CAMSAP1: variants seen among roughly 807,000 people sequenced by gnomAD.
CAMSAP1 encodes the protein calmodulin regulated spectrin associated protein 1, also known as calmodulin-regulated spectrin-associated protein 1.
A neutral mutation model predicts 143.5 loss-of-function variants in CAMSAP1; 58 were observed. That is an observed-to-expected ratio of 0.40 (90% CI 0.33 to 0.50). The LOEUF is 0.50. CAMSAP1 is among the 20% of genes least tolerant of loss of function. The pLI, the probability that CAMSAP1 is intolerant of heterozygous loss-of-function variation, is 0.45. For synonymous variants in CAMSAP1, 945 were observed against 859.3 expected, an observed-to-expected ratio of 1.10 and a Z score of -1.74; for missense variants, 1,969 against 2,115.7, an observed-to-expected ratio of 0.93 and a Z score of 1.36.
intron 7 of CAMSAP1, among the ~76,000 whole-genome samples, chr9:135,840,990 C>T (rs368988276): frequency 5.3e-5 from 8 of 152,054 alleles, no homozygotes; most frequent in African/African-American, 1.9e-4. Flanking sequence ...GGAACGCCAG[C>T]GAGGCAGAAC....
At chr9:135,831,014 T>C (rs1414725649) in intron 7 of CAMSAP1, among the ~76,000 whole-genome samples, 2 of 151,610 alleles carry the variant, frequency 1.3e-5, no homozygotes, top group Admixed American at 6.6e-5. Flanking sequence ...CTACTAAAAA[T>C]ACGAAAAATT....
At chr9:135,865,938 A>G (rs1837363498) in intron 4 of CAMSAP1, among the ~76,000 whole-genome samples, 1 of 152,232 alleles carries the variant, frequency 6.6e-6, no homozygotes, top group South Asian at 2.1e-4. Flanking sequence ...ATGTGCTTGC[A>G]AAAGAGAAAA....
At chr9:135,854,108 A>C (rs913231511) in intron 5 of CAMSAP1, among the ~76,000 whole-genome samples, 5 of 152,234 alleles carry the variant, frequency 3.3e-5, no homozygotes, top group Non-Finnish European at 5.9e-5. Context: ...GACACTTGAC[A>C]TAACACAGGA....
chr9:135,879,519 C>T (rs987677348), intron 3 of CAMSAP1, among the ~76,000 whole-genome samples: 1 of 152,092 alleles, frequency 6.6e-6, no homozygotes, highest in Non-Finnish European at 1.5e-5. Context: ...TTTTCTATGT[C>T]TTTACCATAG....
At chr9:135,829,488 G>A (rs1446340533) in intron 7 of CAMSAP1, among the ~76,000 whole-genome samples, 1 of 152,034 alleles carries the variant, frequency 6.6e-6, no homozygotes, top group African/African-American at 2.4e-5. Context: ...CTGCACTTCA[G>A]TCCAGCCTGG....
In CAMSAP1 at chr9:135,818,539, C is replaced by T; in HGVS notation, c.4037G>A (p.Arg1346Gln). ...CTCTAGGATCTGCTGCTGCTTCCTC[C>T]GCAGGTACTCCTGCTTGATGAGCTC... Reference protein sequence around the residue: ...RRELIKQEYLRRKQQQILEEQ... With the variant: ...RRELIKQEYLQRKQQQILEEQ... The change falls in exon 13 of 17, where the codon CGG (arginine) becomes CAG (glutamine). Residue 1346 changes from arginine to glutamine, a missense_variant. This residue lies in a region of CAMSAP1 where 1,390 missense variants were observed against 1,420.8 expected (regional missense o/e 0.98). Transcript: ENST00000389532. The surrounding 1 kb of genome is among the most constrained non-coding windows in gnomAD (Gnocchi z 7.7). 2 of 1,612,972 alleles carry T rather than the reference C, an allele frequency of 1.2e-6. No individual in the cohort carries two copies. The highest frequency in any genetic ancestry group is 1.7e-6 in the Non-Finnish European group (2 of 1,179,834).
At chr9:135,875,719 ACTG>A (rs1837721421) in intron 3 of CAMSAP1, among the ~76,000 whole-genome samples, 1 of 152,322 alleles carries the variant, frequency 6.6e-6, no homozygotes, top group South Asian at 2.1e-4. Flanking sequence ...TGGTTTCAGA[ACTG>A]CTATCTATAT....
chr9:135,876,010 C>T (rs1013678158), intron 3 of CAMSAP1, among the ~76,000 whole-genome samples: 1 of 152,218 alleles, frequency 6.6e-6, no homozygotes, highest in Non-Finnish European at 1.5e-5. Context: ...GACTAGAGTG[C>T]AGTGGCATGA....
chr9:135,845,520 AATCAGGCAAGAGAAAGAAATAAAG>A (rs1836520105), intron 7 of CAMSAP1, among the ~76,000 whole-genome samples: 1 of 152,236 alleles, frequency 6.6e-6, no homozygotes, highest in Non-Finnish European at 1.5e-5. Context: ...TGGCCAGGGC[AATCAGGCAAGAGAAAGAAATAAAG>A]AGTATTCAAA....
At chr9:135,872,102 A>C (rs1455187978) in intron 3 of CAMSAP1, among the ~76,000 whole-genome samples, 1 of 148,870 alleles carries the variant, frequency 6.7e-6, no homozygotes, top group East Asian at 2.0e-4. Flanking sequence ...CTCCCATCTC[A>C]AAAAAAAAAC....
rs555998404 is a variant in CAMSAP1 at position 135,872,016 on chromosome 9, C to T, written c.586-5480G>A. On this transcript the variant is annotated intron_variant, in intron 3 of 16. Transcript: ENST00000389532. ...ACTCGGGAGGCTGGCAGGAGAATCACCTGAACCCAGGAGAGGGAGGCTGCA... is the reference window on the plus strand; with the variant it reads ...ACTCGGGAGGCTGGCAGGAGAATCATCTGAACCCAGGAGAGGGAGGCTGCA... 1.1e-4 allele frequency among the ~76,000 whole-genome samples: 16 copies of T among 152,048 alleles called. No homozygotes were observed. The South Asian group carries it at 2.5e-3, about 24-fold the overall frequency.
At chr9:135,850,581 G>A in intron 5 of CAMSAP1, 120 bp from the exon 6 acceptor site, 1 of 748,082 alleles carries the variant, frequency 1.3e-6, no homozygotes, top group East Asian at 2.8e-5. Flanking sequence ...ATGACATTGA[G>A]AGATGTAGGG....
Position 135,866,513 on chromosome 9 carries a change from T to C in CAMSAP1, c.609A>G (p.Ile203Met). The change falls in exon 4 of 17, where the codon ATA (isoleucine) becomes ATG (methionine). Residue 203 changes from isoleucine (I) to methionine (M), a missense_variant. Transcript: ENST00000389532. Reference protein sequence around the residue: ...INKVNLKMREITEKEVKLKQQ... With the variant: ...INKVNLKMREMTEKEVKLKQQ... ...GTTTTAATTTAACTTCTTTCTCTGT[T>C]ATCTCTCTCATTTTAAGATTTACCT... 1 of 1,462,286 alleles carries C rather than the reference T, an allele frequency of 6.8e-7. No homozygotes were observed. Among genetic ancestry groups the C allele is most frequent in the Admixed American group, 2.0e-5 (1 of 50,846 alleles). The allele number at this position is 1,462,286 out of a possible 1,614,324, so 90.6% of individuals were successfully genotyped here.
chr9:135,883,165 C>T (rs1475285605), intron 1 of CAMSAP1, 87 bp from the exon 2 acceptor site: 2 of 1,419,562 alleles, frequency 1.4e-6, no homozygotes, highest in African/African-American at 2.8e-5. Context: ...ATGACTGTGC[C>T]ACTGTACTCC....
Position 135,824,641 on chromosome 9 carries a change from G to T in CAMSAP1, c.1315+148C>A. The T allele has an allele frequency of 4.7e-6, 3 of 631,666 alleles. No homozygotes were observed. The highest frequency in any genetic ancestry group is 7.8e-6 in the Non-Finnish European group (3 of 382,672). The allele number at this position is 631,666 out of a possible 1,614,324, so 39.1% of individuals were successfully genotyped here. ...GATCGCGCCACAGCACTTCAGCCTG[G>T]TGACAGAGCAAGACTCCATCTCAAA... On this transcript the variant is annotated intron_variant, in intron 9 of 16. Coordinates refer to ENST00000389532, the MANE Select transcript of CAMSAP1 (RefSeq NM_015447.4). The surrounding 1 kb of genome is among the most constrained non-coding windows in gnomAD (Gnocchi z 4.1).
chr9:135,855,515 G>A (rs959248929), intron 5 of CAMSAP1, among the ~76,000 whole-genome samples: 12 of 152,082 alleles, frequency 7.9e-5, no homozygotes, highest in African/African-American at 2.2e-4. Context: ...AAGGCGGGCA[G>A]ATTACCTGAG....
At position 135,824,463 on chromosome 9, in the gene CAMSAP1, G is replaced by C. The variant is rs1009125358; in HGVS notation, c.1315+326C>G. Among the ~76,000 whole-genome samples the C allele has an allele frequency of 6.6e-6, 1 of 152,094 alleles. No homozygotes were observed. Among genetic ancestry groups the C allele is most frequent in the Admixed American group, 6.5e-5 (1 of 15,270 alleles). ...GGGCAGATCATGAGGCTAGGAGATC[G>C]AGACCATCCTGGCCGACATGATGAA... On this transcript the variant is annotated intron_variant, in intron 9 of 16. Coordinates refer to ENST00000389532, the MANE Select transcript of CAMSAP1 (RefSeq NM_015447.4). The surrounding 1 kb of genome is among the most constrained non-coding windows in gnomAD (Gnocchi z 4.1).
chr9:135,822,828 C>T lies in CAMSAP1; in HGVS notation c.1833G>A (p.Lys611=). The T allele has an allele frequency of 6.2e-7, 1 of 1,614,000 alleles. No individual in the cohort carries two copies. The change falls in exon 11 of 17, where the codon AAG becomes AAA. Residue 611 remains lysine, a synonymous_variant. Transcript: ENST00000389532. This position sits in a 1 kb window ranked among gnomAD's most constrained non-coding sequence, Gnocchi z 6.1. Reference sequence around the variant, plus strand: ...GTCTCCCTTCCCCCCGTTCATCCTCCTTGGTGATCACCTGCTTCTCTTTCG... The same window carrying T: ...GTCTCCCTTCCCCCCGTTCATCCTCTTTGGTGATCACCTGCTTCTCTTTCG... The part of the protein sequence containing the change: ...KPAKEKQVIT[K]EDERGEGRPR...
At chr9:135,857,096 G>C (rs1837005785) in intron 5 of CAMSAP1, among the ~76,000 whole-genome samples, 1 of 152,208 alleles carries the variant, frequency 6.6e-6, no homozygotes, top group South Asian at 2.1e-4. Context: ...TCTTTCCCAG[G>C]GGTTCCGGAG....
Sources: allele counts gnomAD v4.1 joint callset (sites outside exome capture counted in the v4.1 genomes callset), GRCh38; gene constraint gnomAD v4.1.1; regional missense constraint gnomAD v4.1.1; non-coding constraint Gnocchi (gnomAD v3.1); transcripts MANE v1.5; gene names NCBI Gene and HGNC (gene_info 2026-07-23, HGNC 2026-07-21).